RNF14: variants seen among roughly 807,000 people sequenced by gnomAD.
The protein encoded by RNF14 is ring finger protein 14, also known as E3 ubiquitin-protein ligase RNF14.
Under a neutral mutation model 52.6 loss-of-function variants are expected in RNF14, and 26 were observed. The observed-to-expected ratio is 0.49, with a 90% confidence interval of 0.36 to 0.69. RNF14 has a LOEUF of 0.69. RNF14 is among the 30% of genes least tolerant of loss of function. RNF14 has a pLI of 0.00. For synonymous variants in RNF14, 194 were observed against 202.0 expected, an observed-to-expected ratio of 0.96 and a Z score of 0.34; for missense variants, 404 against 560.4, an observed-to-expected ratio of 0.72 and a Z score of 2.82.
At chr5:141,975,125 G>A (rs1754129576) in intron 4 of RNF14, among the ~76,000 whole-genome samples, 170 bp downstream of exon 4, 1 of 152,146 alleles carries the variant, frequency 6.6e-6, no homozygotes, top group African/African-American at 2.4e-5. Flanking sequence ...AATTGAAAAT[G>A]TTTGGTGTTT....
intron 7 of RNF14, 110 bp from the exon 8 acceptor site, chr5:141,984,693 A>T (rs1029480780): frequency 1.1e-6 from 1 of 948,014 alleles, no homozygotes; most frequent in Middle Eastern, 3.3e-4. Context: ...TCAACCCTGC[A>T]TAAGAAAAGG....
upstream of RNF14, chr5:141,956,929 C>T (rs746851468): frequency 1.4e-5 from 23 of 1,613,916 alleles, no homozygotes; most frequent in South Asian, 2.2e-5. Flanking sequence ...GTCTAGAGGT[C>T]GACGCAGAAT....
chr5:141,972,622 ACT>A (rs1753880491), intron 2 of RNF14, among the ~76,000 whole-genome samples: 1 of 151,694 alleles, frequency 6.6e-6, no homozygotes, highest in Admixed American at 6.6e-5. Flanking sequence ...ACAGAGTCTG[ACT>A]CTGTCGCCCA....
At chr5:141,957,660 A>G (rs164077), upstream of RNF14, 1,286,221 of 1,613,928 alleles carry the variant, frequency 0.8, 516,978 homozygotes, top group East Asian at 0.97. The surrounding 1 kb of genome is among the most constrained non-coding windows in gnomAD (Gnocchi z 4.3). Flanking sequence ...CCTGGAAGGC[A>G]GCCCCAGCTT....
chr5:141,955,704 C>T (rs191747419), upstream of RNF14: 10 of 1,614,186 alleles, frequency 6.2e-6, no homozygotes, highest in East Asian at 2.2e-5. The surrounding 1 kb of genome is among the most constrained non-coding windows in gnomAD (Gnocchi z 5.5). Flanking sequence ...TCACCGTCAG[C>T]ATCGACATGC....
chr5:141,958,488 C>T (rs1753223725), intron 1 of RNF14: 1 of 152,586 alleles, frequency 6.6e-6, no homozygotes, highest in Non-Finnish European at 1.5e-5. Context: ...CCGGGCAAGT[C>T]ATGTTTCCTG....
chr5:141,956,152 TG>T, upstream of RNF14: 1 of 1,614,192 alleles, frequency 6.2e-7, no homozygotes, highest in Non-Finnish European at 8.5e-7. Flanking sequence ...GAGCACAGGC[TG>T]GACCACCTCT....
the RNF14 span, chr5:141,952,912 G>A: frequency 6.6e-6 from 1 of 152,230 alleles, no homozygotes; most frequent in South Asian, 2.1e-4. Context: ...GCAGCTTGAG[G>A]TAGGAAGTGT....
chr5:141,974,547 G>A (rs1192547624), intron 3 of RNF14, among the ~76,000 whole-genome samples: 1 of 152,198 alleles, frequency 6.6e-6, no homozygotes, highest in Non-Finnish European at 1.5e-5. Flanking sequence ...GTTAGGAATT[G>A]TACTCAGAAG....
chr5:141,984,747 CT>C, intron 7 of RNF14, 55 bp from the exon 8 acceptor site: 1 of 1,564,354 alleles, frequency 6.4e-7, no homozygotes, highest in South Asian at 1.1e-5. Flanking sequence ...TTGGCATGTG[CT>C]GTCTCTTCTG....
intron 4 of RNF14, among the ~76,000 whole-genome samples, chr5:141,976,984 T>C (rs1223360594): frequency 2.6e-5 from 4 of 152,038 alleles, no homozygotes; most frequent in Non-Finnish European, 5.9e-5. Flanking sequence ...AGAGACAGGG[T>C]TTCACCATGT....
At chr5:141,949,407 C>G in the RNF14 span, 1 of 1,599,886 alleles carries the variant, frequency 6.3e-7, no homozygotes, top group Non-Finnish European at 8.5e-7. Flanking sequence ...GAAGCAGGGT[C>G]AAGGTAACTC....
At chr5:141,949,525 C>G in the RNF14 span, 1 of 1,614,188 alleles carries the variant, frequency 6.2e-7, no homozygotes, top group Non-Finnish European at 8.5e-7. Flanking sequence ...TCCTCCTGTT[C>G]TGGGTCTGTC....
At chr5:141,955,138 G>T (rs781497781), upstream of RNF14, 42 of 1,614,114 alleles carry the variant, frequency 2.6e-5, no homozygotes, top group East Asian at 4.5e-5. This position sits in a 1 kb window ranked among gnomAD's most constrained non-coding sequence, Gnocchi z 5.5. Flanking sequence ...TGCAGAGGAG[G>T]CTGGTGGCCT....
intron 5 of RNF14, 103 bp downstream of exon 5, chr5:141,978,933 C>G: frequency 1.6e-6 from 2 of 1,256,296 alleles, no homozygotes; most frequent in Non-Finnish European, 2.2e-6. Flanking sequence ...AGTCCGAGGC[C>G]TTGGAGCCAG....
the RNF14 span, chr5:141,952,896 C>G: frequency 6.6e-6 from 1 of 152,294 alleles, no homozygotes; most frequent in Admixed American, 6.5e-5. Context: ...CACCATGCCC[C>G]TCTGTGCAGC....
intron 1 of RNF14, chr5:141,969,659 TAG>T (rs1491361185): frequency 6.6e-6 from 1 of 152,278 alleles, no homozygotes; most frequent in African/African-American, 2.4e-5. Flanking sequence ...TGAAATCTTG[TAG>T]GGTAGGTCAT....
chr5:141,980,081 T>C (rs2127024511), intron 5 of RNF14, 42 bp from the exon 6 acceptor site: 1 of 1,529,742 alleles, frequency 6.5e-7, no homozygotes, highest in Non-Finnish European at 9.1e-7. Context: ...CAGAACTGGT[T>C]GTGGAATCAT....
intron 1 of RNF14, among the ~76,000 whole-genome samples, chr5:141,961,245 G>A (rs1426448185): frequency 6.6e-6 from 1 of 152,062 alleles, no homozygotes; most frequent in Non-Finnish European, 1.5e-5. Context: ...CTGGGAATGT[G>A]AATGCAAAAA....
Sources: gnomAD v4.1 joint callset for allele counts (sites outside exome capture counted in the v4.1 genomes callset) on GRCh38, gnomAD v4.1.1 for gene constraint, Gnocchi (gnomAD v3.1) non-coding constraint, MANE v1.5 for transcripts, NCBI Gene and HGNC (gene_info 2026-07-23, HGNC 2026-07-21) for gene names.